Variants in L1CAM observed in about 807,000 individuals in gnomAD.
L1CAM encodes neural cell adhesion molecule L1.
In L1CAM, 8 loss-of-function variants were observed where a neutral mutation model predicts 93.0. The ratio of observed to expected loss-of-function variants is 0.09; its 90% confidence interval spans 0.05 to 0.16. L1CAM has a LOEUF of 0.16. Ranked by LOEUF, L1CAM falls within the 10% of genes least tolerant of loss-of-function variation. L1CAM has a pLI of 1.00. For missense variants in L1CAM, 777 were observed against 1,073.4 expected (o/e 0.72, Z 3.86); for synonymous variants, 453 against 453.0 (o/e 1.00, Z 0.00).
chrX:153,879,244 A>T lies in L1CAM; in HGVS notation c.-108-3300T>A, dbSNP rs782414190. Reference sequence around the variant, plus strand: ...GCAGGGGGGAGCAGGAGACAAAGACAGACGTAGGAAGACAGCGCTAACCAC... The same window carrying T: ...GCAGGGGGGAGCAGGAGACAAAGACTGACGTAGGAAGACAGCGCTAACCAC... On this transcript the variant is annotated intron_variant, in intron 1 of 28. Coordinates refer to ENST00000370060, the MANE Select transcript of L1CAM (RefSeq NM_001278116.2). Among the ~76,000 whole-genome samples, 21 of 111,309 alleles carry T rather than the reference A, an allele frequency of 1.9e-4. No homozygotes were observed. The South Asian group carries it at 8.1e-3, about 43-fold the overall frequency.
chrX:153,867,897 C>T lies in L1CAM; in HGVS notation c.1842G>A (p.Pro614=), dbSNP rs2064729357. The T allele has an allele frequency of 2.5e-6, 3 of 1,209,963 alleles. No homozygotes were observed. The highest frequency in any genetic ancestry group is 2.3e-4 in the Middle Eastern group (1 of 4,352). The change falls in exon 16 of 29, where the codon CCG becomes CCA. Residue 614 remains proline (P), a synonymous_variant. Transcript: ENST00000370060. ...GGTCGGACAGCACCAGCCGTGGCACCGGCCCAGGGCTCCCTGAGGGTGGGG... is the reference window on the plus strand; with the variant it reads ...GGTCGGACAGCACCAGCCGTGGCACTGGCCCAGGGCTCCCTGAGGGTGGGG... ...AQLLVVGSPG[P]VPRLVLSDLH... is the part of the protein sequence containing the mutation.
chrX:153,862,604 G>T lies in L1CAM; in HGVS notation c.*59C>A. 1.0e-6 allele frequency: 1 copy of T among 972,211 alleles called. No homozygotes were observed. Among genetic ancestry groups the T allele is most frequent in the Non-Finnish European group, 1.4e-6 (1 of 695,273 alleles). 80.1% of individuals were successfully genotyped at this position (972,211 alleles called of 1,213,427 possible). ...ACTCCAGCCTCCCATGGGCCTGCTG[G>T]AGAGGGAGGGGCCTGGATCCCAAGG... On this transcript the variant is annotated 3_prime_UTR_variant, in exon 29 of 29. Coordinates refer to ENST00000370060, the MANE Select transcript of L1CAM (RefSeq NM_001278116.2).
chrX:153,872,130 T>C (rs1478486279), intron 5 of L1CAM, 22 bp downstream of exon 5: 5 of 1,174,678 alleles, frequency 4.3e-6, no homozygotes, highest in Non-Finnish European at 5.8e-6. Context: ...CTGCCCTCCC[T>C]GGTCCCTGCA....
chrX:153,875,957 A>G lies in L1CAM; in HGVS notation c.-108-13T>C, dbSNP rs1175529846. ...GGGAGTGGGGGCACTGGGAGAGGGGAGAAGGGAAGGGAAGGGTGGGGGAAG... is the reference window on the plus strand; with the variant it reads ...GGGAGTGGGGGCACTGGGAGAGGGGGGAAGGGAAGGGAAGGGTGGGGGAAG... On this transcript the variant is annotated splice_polypyrimidine_tract_variant and intron_variant, in intron 1 of 28. Coordinates refer to ENST00000370060, the MANE Select transcript of L1CAM (RefSeq NM_001278116.2). The G allele has an allele frequency of 7.4e-6, 4 of 539,818 alleles. No individual in the cohort carries two copies. Among genetic ancestry groups the G allele is most frequent in the Non-Finnish European group, 1.3e-5 (4 of 314,791 alleles). 44.5% of individuals were successfully genotyped at this position (539,818 alleles called of 1,213,427 possible).
At chrX:153,882,044 C>T (rs1467374703) in intron 1 of L1CAM, among the ~76,000 whole-genome samples, 3 of 111,275 alleles carry the variant, frequency 2.7e-5, no homozygotes, top group African/African-American at 9.8e-5. Context: ...GAGGCCCTGG[C>T]CCACAGCAGT....
rs374449882 is a variant in L1CAM, at chrX:153,863,281, C to T, written c.3542+87G>A. ...GGAAGTGAGAGTCCTGTCAGAGCCC[C>T]GGCAGCCAGGGGACAATGGCACACC... is the stretch of plus-strand genomic sequence containing the variant. On this transcript the variant is annotated intron_variant, in intron 28 of 28. Transcript: ENST00000370060. The T allele has an allele frequency of 7.1e-4, 742 of 1,049,294 alleles. 2 individuals are homozygous for T. The African/African-American group carries it at 9.4e-3, about 13-fold the overall frequency. 86.5% of individuals were successfully genotyped at this position (1,049,294 alleles called of 1,213,427 possible).
rs1557093449 is a variant in L1CAM at position 153,872,324 on chromosome X, G to A, written c.228C>T (p.Phe76=). 8.3e-7 allele frequency: 1 copy of A among 1,209,054 alleles called. No homozygotes were observed. Among genetic ancestry groups the A allele is most frequent in the Non-Finnish European group, 1.1e-6 (1 of 894,773 alleles). The change falls in exon 5 of 29, where the codon TTC becomes TTT. Residue 76 remains phenylalanine (F), a synonymous_variant. Transcript: ENST00000370060. ...TCACACCCAGCTCTTCCTTGGGTTTGAAGTGGACACCATCCCTCGTCCAGC... is the reference window on the plus strand; with the variant it reads ...TCACACCCAGCTCTTCCTTGGGTTTAAAGTGGACACCATCCCTCGTCCAGC... ...QFRWTRDGVH[F]KPKEELGVTV...
intron 2 of L1CAM, among the ~76,000 whole-genome samples, chrX:153,874,475 TG>T (rs1244285870): frequency 8.8e-6 from 1 of 113,082 alleles, no homozygotes; most frequent in Non-Finnish European, 1.9e-5. Flanking sequence ...CATGCACCTG[TG>T]TGCATGTGTC....
chrX:153,863,129 C>A (rs1251257990), intron 28 of L1CAM, among the ~76,000 whole-genome samples: 1 of 111,925 alleles, frequency 8.9e-6, no homozygotes, highest in Non-Finnish European at 1.9e-5. Context: ...GGGCCTGGTT[C>A]CTGTCTGGGA....
chrX:153,881,230 T>A (rs782101772), intron 1 of L1CAM, among the ~76,000 whole-genome samples: 16 of 112,146 alleles, frequency 1.4e-4, no homozygotes, highest in Non-Finnish European at 2.4e-4. Context: ...ATTTTACAGA[T>A]GAGGACACGG....
intron 24 of L1CAM, 26 bp downstream of exon 24, chrX:153,864,559 G>A (rs199621249): frequency 1.2e-4 from 65 of 558,506 alleles, no homozygotes; most frequent in Non-Finnish European, 1.7e-4. Context: ...TCCCCACCAC[G>A]CCCCAAGGCC....
In L1CAM at chrX:153,867,520, G is replaced by T. The variant is rs2064725310; in HGVS notation, c.1973C>A (p.Ala658Glu). 2.5e-6 allele frequency: 3 copies of T among 1,210,849 alleles called. No individual in the cohort carries two copies. ...YDIEFEDKEMAPEKWYSLGKV... is the reference protein window; with the variant it reads ...YDIEFEDKEMEPEKWYSLGKV... ...GCCCAGACTGTACCATTTTTCAGGC[G>T]CCATTTCCTTGTCCTCAAATTCAAT... is the stretch of plus-strand genomic sequence containing the variant. Residue 658 changes from alanine (A) to glutamate (E), a missense_variant, in exon 17 of 29, where the codon GCG (alanine) becomes GAG (glutamate). Physicochemically the swap from Ala to Glu is moderately radical, Grantham distance 107. This residue lies in a region of L1CAM where 574 missense variants were observed against 781.0 expected (regional missense o/e 0.73). Coordinates refer to ENST00000370060, the MANE Select transcript of L1CAM (RefSeq NM_001278116.2).
Position 153,862,368 on chromosome X carries a change from G to A in L1CAM, c.*295C>T. Reference sequence around the variant, plus strand: ...AGACAGCATTTCGGAGACCCTTTCGGGCCACCCCTACTTCTTCTCCCCCAA... The same window carrying A: ...AGACAGCATTTCGGAGACCCTTTCGAGCCACCCCTACTTCTTCTCCCCCAA... On this transcript the variant is annotated 3_prime_UTR_variant, in exon 29 of 29. Transcript: ENST00000370060. 3.2e-6 allele frequency: 1 copy of A among 317,147 alleles called. No individual in the cohort carries two copies. The highest frequency in any genetic ancestry group is 5.5e-6 in the Non-Finnish European group (1 of 181,187). 26.1% of individuals were successfully genotyped at this position (317,147 alleles called of 1,213,427 possible).
chrX:153,867,271 T>G (rs2064722295), intron 17 of L1CAM, 85 bp downstream of exon 17: 9 of 1,022,334 alleles, frequency 8.8e-6, no homozygotes, highest in Non-Finnish European at 1.2e-5. Context: ...GCAGAGGAAC[T>G]TGGGCATGGC....
intron 11 of L1CAM, 30 bp downstream of exon 11, chrX:153,869,490 G>T (rs2064746794): frequency 2.5e-6 from 3 of 1,207,028 alleles, no homozygotes; most frequent in Admixed American, 2.2e-5. Context: ...CAGACTGGGA[G>T]TTAGGAGGTA....
chrX:153,884,798 G>A (rs185256611), intron 1 of L1CAM, among the ~76,000 whole-genome samples: 39 of 112,988 alleles, frequency 3.5e-4, no homozygotes, highest in South Asian at 3.6e-4. Context: ...GAGAGGCCCT[G>A]GGGAGGCCCC....
chrX:153,867,233 C>G (rs1210304524), intron 17 of L1CAM, 109 bp from the exon 18 acceptor site: 1 of 962,482 alleles, frequency 1.0e-6, no homozygotes, highest in Non-Finnish European at 1.5e-6. Flanking sequence ...GAGTCCAGCC[C>G]CCTCGCGCTC....
At chrX:153,879,223 G>C (rs1325931583) in intron 1 of L1CAM, among the ~76,000 whole-genome samples, 5 of 111,024 alleles carry the variant, frequency 4.5e-5, no homozygotes, top group Non-Finnish European at 9.5e-5. Context: ...GAAGAGGCAG[G>C]GGGGAGCAGG....
intron 26 of L1CAM, 114 bp from the exon 27 acceptor site, chrX:153,863,663 A>G: frequency 1.2e-6 from 1 of 849,004 alleles, no homozygotes; most frequent in Non-Finnish European, 1.7e-6. Flanking sequence ...CAGAGGCAAG[A>G]GGCCTTGAAA....
Sources: allele counts gnomAD v4.1 joint callset (sites outside exome capture counted in the v4.1 genomes callset), GRCh38; gene constraint gnomAD v4.1.1; regional missense constraint gnomAD v4.1.1; transcripts MANE v1.5; gene names NCBI Gene and HGNC (gene_info 2026-07-23, HGNC 2026-07-21).